Variants in ATF6 observed in about 807,000 individuals in gnomAD.
ATF6 encodes activating transcription factor 6.
In ATF6, 53 loss-of-function variants were observed where a neutral mutation model predicts 83.6. The observed-to-expected ratio is 0.63, with a 90% CI of 0.51 to 0.80. The LOEUF (loss-of-function observed/expected upper bound fraction) is 0.80. ATF6 is among the 30% of genes least tolerant of loss of function. The pLI is 0.00. For missense variants in ATF6, 744 were observed against 797.9 expected, an observed-to-expected ratio of 0.93 and a Z score of 0.81; for synonymous variants, 288 against 285.8, an observed-to-expected ratio of 1.01 and a Z score of -0.08.
At chr1:161,924,284 A>C (rs906012451) in intron 15 of ATF6, among the ~76,000 whole-genome samples, 4 of 152,160 alleles carry the variant, frequency 2.6e-5, no homozygotes, top group Non-Finnish European at 1.5e-5. Flanking sequence ...CAAGCTGAGG[A>C]TGGCCAGTGT....
chr1:161,900,955 A>T (rs994564326), intron 14 of ATF6, among the ~76,000 whole-genome samples: 4 of 152,156 alleles, frequency 2.6e-5, no homozygotes, highest in Non-Finnish European at 4.4e-5. Context: ...TCTTAGTAAC[A>T]TCATTATGGT....
At chr1:161,922,217 C>T (rs79114711) in intron 15 of ATF6, among the ~76,000 whole-genome samples, 1,989 of 152,304 alleles carry the variant, frequency 0.013, 48 homozygotes, top group African/African-American at 0.044. Flanking sequence ...TGAGAACCAG[C>T]GGTGGATTTT....
At chr1:161,820,760 T>C (rs1245980099) in intron 8 of ATF6, among the ~76,000 whole-genome samples, 1 of 151,834 alleles carries the variant, frequency 6.6e-6, no homozygotes, top group African/African-American at 2.4e-5. Context: ...AAAATATATA[T>C]ACATATATAT....
At chr1:161,854,360 T>G (rs2101829372) in intron 12 of ATF6, among the ~76,000 whole-genome samples, 1 of 152,302 alleles carries the variant, frequency 6.6e-6, no homozygotes, top group East Asian at 1.9e-4. Context: ...GCTTGAGATG[T>G]TAGGGAAGAA....
At position 161,863,193 on chromosome 1, in the gene ATF6, T is replaced by G. The variant is rs1451185491; in HGVS notation, c.1605-5T>G. The G allele has an allele frequency of 7.7e-6, 12 of 1,554,336 alleles. No homozygotes were observed. Among genetic ancestry groups the G allele is most frequent in the Non-Finnish European group, 3.5e-6 (4 of 1,133,478 alleles). On this transcript the variant is annotated splice_polypyrimidine_tract_variant and splice_region_variant and intron_variant, in intron 13 of 15. Transcript: ENST00000367942. The stretch of plus-strand genomic sequence containing the variant: ...TAGTAATACCTTATATTTTTCTTAC[T>G]TTAGCAGGAACTCAGGGAGTGAGCT...
At position 161,961,016 on chromosome 1, in the gene ATF6, G is replaced by A. The variant is rs1302971164; in HGVS notation, c.*2362G>A. ...TATAAATAGAGTTTCCCTCCTCTCT[G>A]TGACAGAATCACAGGAGAAGGACCC... On this transcript the variant is annotated 3_prime_UTR_variant, in exon 16 of 16. Coordinates refer to ENST00000367942, the MANE Select transcript of ATF6 (RefSeq NM_007348.4). 1.3e-5 allele frequency: 2 copies of A among 152,186 alleles called. No homozygotes were observed. Among genetic ancestry groups the A allele is most frequent in the African/African-American group, 4.8e-5 (2 of 41,436 alleles). 9.4% of individuals were successfully genotyped at this position (152,186 alleles called of 1,614,324 possible). A position where few individuals can be genotyped will look rare whatever the true frequency, so the allele number is the denominator to read the frequency against.
At chr1:161,916,185 A>G (rs903345212) in intron 15 of ATF6, among the ~76,000 whole-genome samples, 1 of 152,214 alleles carries the variant, frequency 6.6e-6, no homozygotes, top group Non-Finnish European at 1.5e-5. Flanking sequence ...GTCAAAGGTC[A>G]TGTCTCCATG....
intron 14 of ATF6, among the ~76,000 whole-genome samples, chr1:161,872,580 T>C (rs533820542): frequency 6.6e-6 from 1 of 151,656 alleles, no homozygotes; most frequent in East Asian, 1.9e-4. Flanking sequence ...ATAAATCAAC[T>C]TGTTTATGTT....
intron 9 of ATF6, among the ~76,000 whole-genome samples, chr1:161,828,488 C>T (rs1000716440): frequency 1.3e-5 from 2 of 152,068 alleles, no homozygotes; most frequent in Admixed American, 6.5e-5. Context: ...GCTGTGGACC[C>T]AAGTGAGGTG....
At chr1:161,800,536 C>G (rs1685121277) in intron 6 of ATF6, among the ~76,000 whole-genome samples, 1 of 152,090 alleles carries the variant, frequency 6.6e-6, no homozygotes, top group Non-Finnish European at 1.5e-5. Context: ...AAGAACTTAA[C>G]AAAAATTATG....
intron 1 of ATF6, among the ~76,000 whole-genome samples, chr1:161,767,958 C>T (rs1385332986): frequency 6.6e-6 from 1 of 152,186 alleles, no homozygotes; most frequent in Non-Finnish European, 1.5e-5. Context: ...CGGGTTTGAG[C>T]GATTCTCCTG....
At position 161,851,745 on chromosome 1, in the gene ATF6, A is replaced by G. The variant is rs1459010466; in HGVS notation, c.1343A>G (p.Asp448Gly). ...AGATATGATCATTCTGTTTCAAATG[A>G]CAAAGCCCTGATGGTGCTAACTGAA... ...SYRYDHSVSN[D>G]KALMVLTEEP... Residue 448 changes from aspartate (D) to glycine (G), a missense_variant, in exon 11 of 16, where the codon GAC becomes GGC. Coordinates refer to ENST00000367942, the MANE Select transcript of ATF6 (RefSeq NM_007348.4). The G allele has an allele frequency of 1.2e-6, 2 of 1,613,766 alleles. No homozygotes were observed. The highest frequency in any genetic ancestry group is 1.7e-6 in the Non-Finnish European group (2 of 1,179,770).
At chr1:161,784,190 C>G in intron 4 of ATF6, 94 bp downstream of exon 4, 3 of 847,004 alleles carry the variant, frequency 3.5e-6, no homozygotes, top group Non-Finnish European at 5.8e-6. Flanking sequence ...TTGAATACTA[C>G]TATGAGTTAT....
At chr1:161,823,585 T>G (rs895244182) in intron 9 of ATF6, among the ~76,000 whole-genome samples, 1 of 152,210 alleles carries the variant, frequency 6.6e-6, no homozygotes. Flanking sequence ...TTCAGGCTTC[T>G]AAAACACATG....
chr1:161,904,760 G>T (rs945574988), intron 14 of ATF6, among the ~76,000 whole-genome samples: 4 of 152,062 alleles, frequency 2.6e-5, no homozygotes, highest in African/African-American at 9.7e-5. Context: ...CTAGATTGTG[G>T]AACAGCTTTA....
chr1:161,831,437 A>G (rs1488374046), intron 9 of ATF6, among the ~76,000 whole-genome samples: 1 of 152,200 alleles, frequency 6.6e-6, no homozygotes, highest in African/African-American at 2.4e-5. Flanking sequence ...CAGCCATCCC[A>G]TTACTGGGTA....
intron 15 of ATF6, among the ~76,000 whole-genome samples, chr1:161,930,427 A>G (rs903417303): frequency 1.2e-4 from 18 of 152,202 alleles, no homozygotes; most frequent in African/African-American, 4.1e-4. Flanking sequence ...AAGCTACAAT[A>G]TATTTTAACA....
chr1:161,786,705 ATAC>A (rs1684756005), intron 4 of ATF6, among the ~76,000 whole-genome samples: 1 of 152,178 alleles, frequency 6.6e-6, no homozygotes, highest in South Asian at 2.1e-4. Context: ...TATCACTCCA[ATAC>A]TTTAGTGTCT....
chr1:161,878,493 T>G (rs755907815), intron 14 of ATF6, among the ~76,000 whole-genome samples: 2 of 152,096 alleles, frequency 1.3e-5, no homozygotes, highest in Non-Finnish European at 2.9e-5. Context: ...AGAGGAGGGT[T>G]CAGGACCAAA....
Sources: allele counts gnomAD v4.1 joint callset (sites outside exome capture counted in the v4.1 genomes callset), GRCh38; gene constraint gnomAD v4.1.1; transcripts MANE v1.5; gene names NCBI Gene and HGNC (gene_info 2026-07-23, HGNC 2026-07-21).